Variants in ZNF407 observed in about 807,000 individuals in gnomAD.
The protein encoded by ZNF407 is zinc finger protein 407.
ZNF407 carries 17 observed loss-of-function variants against 131.2 expected under a neutral mutation model. The observed-to-expected ratio is 0.13, with a 90% confidence interval of 0.09 to 0.19. The LOEUF is 0.19. ZNF407 is among the 10% of genes least tolerant of loss of function. The probability of loss-of-function intolerance (pLI) is 1.00; values close to 1 mark genes in which losing one functional copy is unlikely to be tolerated. For missense variants in ZNF407, 2,681 were observed against 2,830.6 expected (o/e 0.95, Z 1.20); for synonymous variants, 1,156 against 1,062.0 (o/e 1.09, Z -1.72).
intron 8 of ZNF407, among the ~76,000 whole-genome samples, chr18:74,997,501 AAAAT>A (rs1367807909): frequency 3.3e-5 from 5 of 152,314 alleles, no homozygotes; most frequent in African/African-American, 4.8e-5. Flanking sequence ...TTAAGTAAAA[AAAAT>A]AAATAAAAAG....
At chr18:75,054,750 G>C (rs1187576749) in intron 8 of ZNF407, among the ~76,000 whole-genome samples, 2 of 152,244 alleles carry the variant, frequency 1.3e-5, no homozygotes, top group Admixed American at 1.3e-4. Context: ...GCCTATTCCA[G>C]TTTGTTACGT....
intron 8 of ZNF407, among the ~76,000 whole-genome samples, chr18:75,030,122 G>A (rs556456123): frequency 1.3e-5 from 2 of 152,260 alleles, no homozygotes; most frequent in South Asian, 2.1e-4. Flanking sequence ...TTGGGGCTGG[G>A]TGGTCATAGA....
intron 3 of ZNF407, among the ~76,000 whole-genome samples, chr18:74,761,233 G>T (rs974580899): frequency 2.0e-5 from 3 of 152,136 alleles, no homozygotes; most frequent in Non-Finnish European, 4.4e-5. Flanking sequence ...TTTCAGGATA[G>T]TAAAGGAGCA....
intron 8 of ZNF407, among the ~76,000 whole-genome samples, chr18:75,019,530 G>C (rs983629075): frequency 1.3e-5 from 2 of 152,106 alleles, no homozygotes; most frequent in African/African-American, 2.4e-5. Flanking sequence ...GCCATTCCTA[G>C]TAGTGTGATG....
intron 3 of ZNF407, among the ~76,000 whole-genome samples, chr18:74,742,451 T>A (rs2144923101): frequency 6.6e-6 from 1 of 152,308 alleles, no homozygotes; most frequent in Non-Finnish European, 1.5e-5. Flanking sequence ...TTGCTTTTTT[T>A]CTGTAAGAAC....
intron 3 of ZNF407, among the ~76,000 whole-genome samples, chr18:74,645,359 A>G (rs763042523): frequency 9.2e-5 from 14 of 152,042 alleles, no homozygotes; most frequent in Non-Finnish European, 1.8e-4. Flanking sequence ...ATATGCCATT[A>G]TTGAGAAGCG....
At chr18:75,014,294 G>A (rs1973017822) in intron 8 of ZNF407, among the ~76,000 whole-genome samples, 1 of 151,890 alleles carries the variant, frequency 6.6e-6, no homozygotes, top group South Asian at 2.1e-4. Flanking sequence ...ATGGGGTTTG[G>A]TGTTCGAAAT....
intron 8 of ZNF407, among the ~76,000 whole-genome samples, chr18:75,032,740 G>A (rs1015044944): frequency 3.4e-5 from 5 of 147,018 alleles, no homozygotes; most frequent in African/African-American, 1.3e-4. Flanking sequence ...ATGGGGGGAA[G>A]ATAGCATTAG....
intron 3 of ZNF407, among the ~76,000 whole-genome samples, chr18:74,769,247 A>G (rs1451007458): frequency 6.6e-6 from 1 of 152,182 alleles, no homozygotes; most frequent in Non-Finnish European, 1.5e-5. Flanking sequence ...CAAATGATTT[A>G]ATATACCAAG....
rs551848606 is a variant in ZNF407 at position 74,973,293 on chromosome 18, C to G, written c.5428+52601C>G. Among the ~76,000 whole-genome samples the G allele has an allele frequency of 1.4e-4, 22 of 152,298 alleles. No individual in the cohort carries two copies. In the South Asian group the frequency reaches 4.6e-3, roughly 32 times the overall value. Reference sequence around the variant, plus strand: ...TAAAATTATATAGAATAACTACATGCATTGAGACCATGTTAGACAGTGTTC... The same window carrying G: ...TAAAATTATATAGAATAACTACATGGATTGAGACCATGTTAGACAGTGTTC... On this transcript the variant is annotated intron_variant, in intron 8 of 8. Coordinates refer to ENST00000299687, the MANE Select transcript of ZNF407 (RefSeq NM_017757.3).
chr18:74,649,945 C>T (rs2144707026), intron 3 of ZNF407, among the ~76,000 whole-genome samples: 1 of 152,144 alleles, frequency 6.6e-6, no homozygotes, highest in East Asian at 1.9e-4. Flanking sequence ...ATTATAATTC[C>T]TTTTGAGTTT....
chr18:74,871,746 G>A (rs1305083830), intron 4 of ZNF407, among the ~76,000 whole-genome samples: 8 of 152,176 alleles, frequency 5.3e-5, no homozygotes, highest in Non-Finnish European at 1.2e-4. Flanking sequence ...TTATCATATA[G>A]AGAAGTTAAG....
intron 3 of ZNF407, among the ~76,000 whole-genome samples, chr18:74,747,145 G>A (rs568477545): frequency 1.8e-4 from 12 of 64,938 alleles, no homozygotes; most frequent in Middle Eastern, 0.011. Context: ...GCTCACATTC[G>A]TTTCTAGTTT....
chr18:74,876,140 A>G (rs1971153003), intron 4 of ZNF407, among the ~76,000 whole-genome samples: 1 of 152,214 alleles, frequency 6.6e-6, no homozygotes, highest in African/African-American at 2.4e-5. Flanking sequence ...CTCCTTATTC[A>G]TATCATAATT....
rs868607794 is a variant in ZNF407, at chr18:74,767,501, A to G, written c.4803-13927A>G. ...CATCCTATTGTGTTCTAATTTTTGT[A>G]TAATTGTATTTCATGGAAAATATTT... On this transcript the variant is annotated intron_variant, in intron 3 of 8. Coordinates refer to ENST00000299687, the MANE Select transcript of ZNF407 (RefSeq NM_017757.3). Among the ~76,000 whole-genome samples the G allele has an allele frequency of 8.0e-4, 122 of 152,214 alleles. 1 individual carries two copies. The highest frequency in any genetic ancestry group is 2.9e-3 in the African/African-American group (119 of 41,520).
chr18:75,023,271 A>G (rs1973133171), intron 8 of ZNF407, among the ~76,000 whole-genome samples: 1 of 152,274 alleles, frequency 6.6e-6, no homozygotes, highest in African/African-American at 2.4e-5. Context: ...CATCTTTCAC[A>G]TGTACCCTGG....
intron 8 of ZNF407, among the ~76,000 whole-genome samples, chr18:75,015,015 G>A (rs1327971690): frequency 6.6e-6 from 1 of 152,068 alleles, no homozygotes; most frequent in Non-Finnish European, 1.5e-5. Flanking sequence ...AATTGAAACA[G>A]TAGATTATAC....
chr18:75,001,490 T>A (rs1356291338), intron 8 of ZNF407, among the ~76,000 whole-genome samples: 1 of 152,092 alleles, frequency 6.6e-6, no homozygotes, highest in African/African-American at 2.4e-5. Context: ...CATTTTTAGG[T>A]TAAGTGAAAA....
At position 75,063,519 on chromosome 18, in the gene ZNF407, A is replaced by C; in HGVS notation, c.5798A>C (p.Gln1933Pro). Residue 1933 changes from glutamine (Q) to proline (P), a missense_variant, in exon 9 of 9, where the codon CAG becomes CCG. Physicochemically the swap from Gln to Pro is moderately conservative, Grantham distance 76. Around this residue, in one of 6 missense-constraint regions of ZNF407, gnomAD observed 620 missense variants for 583.1 expected, o/e 1.06. Transcript: ENST00000299687. The surrounding 1 kb of genome is among the most constrained non-coding windows in gnomAD (Gnocchi z 6.6). ...SVVPGPILPE[Q>P]LADGATQVVV... is the part of the protein sequence containing the mutation. Reference sequence around the variant, plus strand: ...GTGCCCGGACCCATCCTCCCCGAGCAGCTGGCTGATGGAGCCACCCAGGTG... The same window carrying C: ...GTGCCCGGACCCATCCTCCCCGAGCCGCTGGCTGATGGAGCCACCCAGGTG... The C allele has an allele frequency of 6.3e-7, 1 of 1,581,500 alleles. No individual in the cohort carries two copies. The highest frequency in any genetic ancestry group is 8.6e-7 in the Non-Finnish European group (1 of 1,165,264).
Sources: allele counts gnomAD v4.1 joint callset (sites outside exome capture counted in the v4.1 genomes callset), GRCh38; gene constraint gnomAD v4.1.1; regional missense constraint gnomAD v4.1.1; non-coding constraint Gnocchi (gnomAD v3.1); transcripts MANE v1.5; gene names NCBI Gene and HGNC (gene_info 2026-07-23, HGNC 2026-07-21).